PLGRKT: variants seen among roughly 807,000 people sequenced by gnomAD.
The protein encoded by PLGRKT is plasminogen receptor (KT).
Under a neutral mutation model 18.5 loss-of-function variants are expected in PLGRKT, and 22 were observed. That is an observed-to-expected ratio of 1.19 (90% CI 0.85 to 1.70). The LOEUF (loss-of-function observed/expected upper bound fraction) is 1.70. Among genes scored for constraint, PLGRKT ranks in the 40% most tolerant of loss-of-function variants. The pLI is 0.00. For missense variants in PLGRKT, 235 were observed against 174.4 expected (o/e 1.35, Z -1.96); for synonymous variants, 72 against 52.8 (o/e 1.36, Z -1.58).
chr9:5,383,403 C>A (rs1439091273), intron 3 of PLGRKT, among the ~76,000 whole-genome samples: 1 of 152,160 alleles, frequency 6.6e-6, no homozygotes, highest in East Asian at 1.9e-4. Flanking sequence ...GGTCCCCAAC[C>A]TTTTTGGCAC....
At chr9:5,379,803 T>G (rs1817702084) in intron 3 of PLGRKT, among the ~76,000 whole-genome samples, 1 of 152,206 alleles carries the variant, frequency 6.6e-6, no homozygotes, top group Non-Finnish European at 1.5e-5. Context: ...GCACTATTTT[T>G]GGGAAAGCAG....
intron 3 of PLGRKT, among the ~76,000 whole-genome samples, chr9:5,391,645 G>C (rs1817951369): frequency 6.6e-6 from 1 of 151,882 alleles, no homozygotes; most frequent in Non-Finnish European, 1.5e-5. Flanking sequence ...CAGAGTTTGT[G>C]GCATTGAGGC....
At chr9:5,380,436 T>C (rs1399387231) in intron 3 of PLGRKT, among the ~76,000 whole-genome samples, 2 of 151,786 alleles carry the variant, frequency 1.3e-5, no homozygotes, top group African/African-American at 2.4e-5. Flanking sequence ...ACTTATGATG[T>C]GCCAGATACT....
chr9:5,413,952 A>G (rs1316153315), intron 3 of PLGRKT, among the ~76,000 whole-genome samples: 2 of 152,216 alleles, frequency 1.3e-5, no homozygotes, highest in Non-Finnish European at 2.9e-5. Flanking sequence ...TGTATCAATG[A>G]TATGCTACCC....
chr9:5,388,907 T>A (rs1191857930), intron 3 of PLGRKT, among the ~76,000 whole-genome samples: 1 of 152,054 alleles, frequency 6.6e-6, no homozygotes, highest in African/African-American at 2.4e-5. Flanking sequence ...AAATAAGTAT[T>A]AGGTATTTAT....
intron 3 of PLGRKT, among the ~76,000 whole-genome samples, chr9:5,388,278 G>A (rs1379829676): frequency 6.6e-6 from 1 of 151,824 alleles, no homozygotes; most frequent in Admixed American, 6.5e-5. Flanking sequence ...GGTTTCCCAG[G>A]AACAACTGAG....
At chr9:5,366,106 A>T (rs1301739403) in intron 3 of PLGRKT, among the ~76,000 whole-genome samples, 47 of 152,196 alleles carry the variant, frequency 3.1e-4, no homozygotes, top group Non-Finnish European at 5.9e-5. Context: ...GTTTAAATTC[A>T]TAGGTCTATA....
intron 3 of PLGRKT, among the ~76,000 whole-genome samples, chr9:5,371,652 C>T (rs1041887484): frequency 6.6e-6 from 1 of 152,132 alleles, no homozygotes; most frequent in Non-Finnish European, 1.5e-5. Context: ...TGGACTAATA[C>T]AACTTCTCAA....
chr9:5,426,284 T>C (rs1818699990), intron 3 of PLGRKT, among the ~76,000 whole-genome samples: 1 of 152,296 alleles, frequency 6.6e-6, no homozygotes, highest in East Asian at 1.9e-4. Context: ...CATCTTATTA[T>C]ACTCCATAAC....
At chr9:5,432,671 TA>T (rs1818853550) in intron 2 of PLGRKT, among the ~76,000 whole-genome samples, 1 of 152,170 alleles carries the variant, frequency 6.6e-6, no homozygotes, top group African/African-American at 2.4e-5. Flanking sequence ...CTGGTTTTTG[TA>T]TTTTTGGTGG....
chr9:5,393,989 C>T (rs912709899), intron 3 of PLGRKT, among the ~76,000 whole-genome samples: 1 of 151,846 alleles, frequency 6.6e-6, no homozygotes, highest in Non-Finnish European at 1.5e-5. Flanking sequence ...GAGATACATT[C>T]TCCTTCAGTT....
chr9:5,412,200 G>C (rs975347362), intron 3 of PLGRKT, among the ~76,000 whole-genome samples: 3 of 152,176 alleles, frequency 2.0e-5, no homozygotes, highest in African/African-American at 7.2e-5. Flanking sequence ...CTCACTGGGG[G>C]TAAAGATAGA....
At chr9:5,411,479 T>A (rs535412893) in intron 3 of PLGRKT, among the ~76,000 whole-genome samples, 3 of 151,844 alleles carry the variant, frequency 2.0e-5, no homozygotes, top group Non-Finnish European at 4.4e-5. Flanking sequence ...CTTCTCCCCA[T>A]CTTAGAGATG....
chr9:5,369,360 T>G (rs182586836), intron 3 of PLGRKT, among the ~76,000 whole-genome samples: 2 of 152,258 alleles, frequency 1.3e-5, no homozygotes, highest in Admixed American at 1.3e-4. Flanking sequence ...CACTGGTCAT[T>G]AGAGAAATGC....
At chr9:5,417,762 A>G (rs11791830) in intron 3 of PLGRKT, among the ~76,000 whole-genome samples, 35,667 of 151,806 alleles carry the variant, frequency 0.23, 4,608 homozygotes, top group Non-Finnish European at 0.29. Flanking sequence ...GAAGGTTCAC[A>G]ACAAAACACA....
chr9:5,367,655 T>G (rs1479961276), intron 3 of PLGRKT, among the ~76,000 whole-genome samples: 2 of 151,982 alleles, frequency 1.3e-5, no homozygotes, highest in South Asian at 4.1e-4. Flanking sequence ...AAACCTGAAA[T>G]AAACCATTCG....
chr9:5,373,537 T>C (rs978688783), intron 3 of PLGRKT, among the ~76,000 whole-genome samples: 1 of 152,200 alleles, frequency 6.6e-6, no homozygotes, highest in African/African-American at 2.4e-5. Flanking sequence ...CAGTGGTTCA[T>C]GCCTGTAATT....
chr9:5,424,183 T>C (rs1026702854), intron 3 of PLGRKT, among the ~76,000 whole-genome samples: 1 of 138,818 alleles, frequency 7.2e-6, no homozygotes, highest in Non-Finnish European at 1.5e-5. Context: ...TAGTAATAGA[T>C]GTAATATGTA....
intron 1 of PLGRKT, 168 bp downstream of exon 1, chr9:5,437,621 G>A (rs1380885005): frequency 1.3e-5 from 2 of 152,308 alleles, no homozygotes; most frequent in African/African-American, 2.4e-5. Context: ...ATGGAACGAA[G>A]TTGGCAATAC....
Sources: gnomAD v4.1 joint callset for allele counts (sites outside exome capture counted in the v4.1 genomes callset) on GRCh38, gnomAD v4.1.1 for gene constraint, MANE v1.5 for transcripts, NCBI Gene and HGNC (gene_info 2026-07-23, HGNC 2026-07-21) for gene names.